GPC5: variants seen among roughly 807,000 people sequenced by gnomAD.
The protein encoded by GPC5 is glypican 5, also known as glypican-5.
In GPC5, 47 loss-of-function variants were observed where a neutral mutation model predicts 53.9. The ratio of observed to expected loss-of-function variants is 0.87; its 90% confidence interval spans 0.69 to 1.11. The LOEUF (loss-of-function observed/expected upper bound fraction) is 1.11. GPC5 is among the 50% of genes most tolerant of loss of function. The pLI, the probability that GPC5 is intolerant of heterozygous loss-of-function variation, is 0.00. For missense variants in GPC5, 748 were observed against 713.1 expected (o/e 1.05, Z -0.56); for synonymous variants, 286 against 263.3 (o/e 1.09, Z -0.84).
intron 7 of GPC5, among the ~76,000 whole-genome samples, chr13:92,623,499 T>C (rs1040084738): frequency 1.3e-5 from 2 of 152,178 alleles, no homozygotes; most frequent in African/African-American, 2.4e-5. Flanking sequence ...AAATCAAAAG[T>C]GATTTTTAGA....
chr13:92,064,901 G>A (rs1226741974), intron 6 of GPC5, among the ~76,000 whole-genome samples: 2 of 82,456 alleles, frequency 2.4e-5, no homozygotes, highest in South Asian at 5.4e-4. Context: ...GTTTACCACC[G>A]ATTTAAATAA....
chr13:91,894,120 T>C (rs907695496), intron 5 of GPC5, among the ~76,000 whole-genome samples: 3 of 152,208 alleles, frequency 2.0e-5, no homozygotes, highest in Admixed American at 2.0e-4. Flanking sequence ...TATTCAATTA[T>C]CTGTTCCATC....
chr13:92,289,485 CTT>C (rs1302001822), intron 7 of GPC5, among the ~76,000 whole-genome samples: 2 of 151,924 alleles, frequency 1.3e-5, no homozygotes, highest in Non-Finnish European at 2.9e-5. Context: ...CATTTAATAA[CTT>C]TTAAAATAAC....
chr13:91,979,218 G>A (rs1428238345), intron 6 of GPC5, among the ~76,000 whole-genome samples: 2 of 151,562 alleles, frequency 1.3e-5, no homozygotes, highest in African/African-American at 4.8e-5. Flanking sequence ...AAAGCCCATA[G>A]TGATTTTTTT....
At chr13:92,101,800 C>A (rs1031847799) in intron 6 of GPC5, among the ~76,000 whole-genome samples, 1 of 152,164 alleles carries the variant, frequency 6.6e-6, no homozygotes, top group Admixed American at 6.5e-5. Flanking sequence ...ATTTACACAC[C>A]TTGGAGAAAA....
intron 6 of GPC5, among the ~76,000 whole-genome samples, chr13:92,119,794 GTTT>G (rs1273227143): frequency 6.6e-6 from 1 of 150,674 alleles, no homozygotes; most frequent in Admixed American, 6.6e-5. Context: ...GTGTAGATGA[GTTT>G]TTTAGTTTTG....
chr13:91,965,882 G>A (rs2040176089), intron 6 of GPC5, among the ~76,000 whole-genome samples: 1 of 152,174 alleles, frequency 6.6e-6, no homozygotes, highest in Admixed American at 6.5e-5. Flanking sequence ...AACTGAATAA[G>A]TCCATTGGGT....
At chr13:92,257,037 A>G (rs1315651387) in intron 7 of GPC5, among the ~76,000 whole-genome samples, 3 of 139,760 alleles carry the variant, frequency 2.1e-5, no homozygotes, top group African/African-American at 3.3e-5. Flanking sequence ...AGATATCTAA[A>G]ATAGTCATGC....
intron 6 of GPC5, among the ~76,000 whole-genome samples, chr13:92,070,004 A>C (rs1367407697): frequency 6.6e-6 from 1 of 152,192 alleles, no homozygotes; most frequent in Non-Finnish European, 1.5e-5. Context: ...ACTGTATATG[A>C]GCCCAATCTA....
intron 7 of GPC5, among the ~76,000 whole-genome samples, chr13:92,203,058 A>T (rs1348854684): frequency 6.6e-6 from 1 of 152,198 alleles, no homozygotes; most frequent in African/African-American, 2.4e-5. Context: ...ATTCACCCCC[A>T]TAGAACTAGT....
At chr13:91,708,063 T>C (rs2036145177) in intron 3 of GPC5, among the ~76,000 whole-genome samples, 1 of 152,164 alleles carries the variant, frequency 6.6e-6, no homozygotes, top group Non-Finnish European at 1.5e-5. Context: ...AGTATATAGC[T>C]GAGCAGACAG....
intron 7 of GPC5, chr13:92,239,769 A>G (rs970985612): frequency 2.7e-4 from 11 of 40,838 alleles, no homozygotes; most frequent in African/African-American, 9.4e-4. Context: ...TTTCAATGAT[A>G]TTCTAGGCTG....
intron 7 of GPC5, among the ~76,000 whole-genome samples, chr13:92,352,551 TA>T (rs138225357): frequency 0.018 from 2,693 of 152,146 alleles, 92 homozygotes; most frequent in African/African-American, 0.062. Context: ...CCAAAAGACA[TA>T]AGTAGATATT....
chr13:91,802,650 G>C (rs1385313392), intron 5 of GPC5, among the ~76,000 whole-genome samples: 1 of 152,130 alleles, frequency 6.6e-6, no homozygotes, highest in African/African-American at 2.4e-5. Flanking sequence ...GCTGATTGGT[G>C]TGTTTACAAT....
intron 7 of GPC5, among the ~76,000 whole-genome samples, chr13:92,334,352 T>A (rs1221501110): frequency 1.3e-5 from 2 of 152,026 alleles, no homozygotes; most frequent in Non-Finnish European, 2.9e-5. Context: ...GAGAACAGCA[T>A]GAGAAAAGCC....
chr13:92,684,112 T>A (rs572277062), intron 7 of GPC5, among the ~76,000 whole-genome samples: 3 of 152,222 alleles, frequency 2.0e-5, no homozygotes, highest in East Asian at 3.9e-4. Flanking sequence ...AAATGACTGA[T>A]CTTCTTACTG....
intron 7 of GPC5, among the ~76,000 whole-genome samples, chr13:92,246,129 A>G (rs1428534992): frequency 6.6e-6 from 1 of 152,058 alleles, no homozygotes; most frequent in African/African-American, 2.4e-5. Context: ...TTTCTTTTTG[A>G]GCTGAATATT....
chr13:91,724,414 G>A (rs920957637), intron 3 of GPC5, among the ~76,000 whole-genome samples: 2 of 151,722 alleles, frequency 1.3e-5, no homozygotes, highest in African/African-American at 4.8e-5. Flanking sequence ...CTCTAACCCA[G>A]TGTGCTTAAT....
chr13:92,495,402 C>T (rs1879932708), intron 7 of GPC5, among the ~76,000 whole-genome samples: 1 of 152,058 alleles, frequency 6.6e-6, no homozygotes, highest in Non-Finnish European at 1.5e-5. Flanking sequence ...TGAATTCATA[C>T]CTAGCAGCAT....
Sources: allele counts gnomAD v4.1 joint callset (sites outside exome capture counted in the v4.1 genomes callset), GRCh38; gene constraint gnomAD v4.1.1; transcripts MANE v1.5; gene names NCBI Gene and HGNC (gene_info 2026-07-23, HGNC 2026-07-21).